The following SHANK2 variants were observed in gnomAD, a reference collection of about 807,000 sequenced individuals.
SHANK2 encodes the protein SH3 and multiple ankyrin repeat domains protein 2.
Under a neutral mutation model 133.7 loss-of-function variants are expected in SHANK2, and 43 were observed. That is an observed-to-expected ratio of 0.32 (90% CI 0.25 to 0.41). The LOEUF (loss-of-function observed/expected upper bound fraction) is 0.41, where lower values mean the gene tolerates loss of function less well. Among genes scored for constraint, SHANK2 ranks in the 10% least tolerant of loss-of-function variants. The pLI, the probability that SHANK2 is intolerant of heterozygous loss-of-function variation, is 1.00. For synonymous variants in SHANK2, 1,017 were observed against 952.8 expected, an observed-to-expected ratio of 1.07 and a Z score of -1.24; for missense variants, 1,994 against 2,235.8, an observed-to-expected ratio of 0.89 and a Z score of 2.18.
intron 10 of SHANK2, chr11:70,952,782 C>CTCGCCAT (rs1219136515): frequency 2.2e-6 from 1 of 456,882 alleles, no homozygotes; most frequent in Non-Finnish European, 4.6e-6. Flanking sequence ...AGTGTGGGAA[C>CTCGCCAT]TGACACCCAC....
At chr11:71,224,307 A>G (rs1382030056) in intron 2 of SHANK2, among the ~76,000 whole-genome samples, 1 of 151,794 alleles carries the variant, frequency 6.6e-6, no homozygotes, top group Non-Finnish European at 1.5e-5. Flanking sequence ...CCTGGGCTTC[A>G]CTGCACCCTT....
chr11:70,575,541 G>A (rs1294811252), intron 17 of SHANK2, among the ~76,000 whole-genome samples: 1 of 146,296 alleles, frequency 6.8e-6, no homozygotes, highest in Non-Finnish European at 1.5e-5. Context: ...AAGTACAAAG[G>A]CCAACAGAGT....
At position 70,659,889 on chromosome 11, in the gene SHANK2, G is replaced by A; in HGVS notation, c.2000C>T (p.Ser667Phe). 1 of 1,614,148 alleles carries A rather than the reference G, an allele frequency of 6.2e-7. No individual in the cohort carries two copies. The highest frequency in any genetic ancestry group is 8.5e-7 in the Non-Finnish European group (1 of 1,180,030). ...CCACGCCACCCCACCTTCATCCACG[G>A]ACTCCAGGTACTGTAGGGCTGGGAA... ...PAFPALQYLE[S>F]VDEGGVAWQA... Residue 667 changes from serine to phenylalanine, a missense_variant, in exon 17 of 26, where the codon TCC (serine) becomes TTC (phenylalanine). Transcript: ENST00000601538.
rs115110225 is a variant in SHANK2 at position 71,104,898 on chromosome 11, G to A, written c.592+5043C>T. ...ACCTGTGGGTCTGCACTTGGCCTTCGGTTTCAGAACTTTCTGCCTTAGTTA... is the reference window on the plus strand; with the variant it reads ...ACCTGTGGGTCTGCACTTGGCCTTCAGTTTCAGAACTTTCTGCCTTAGTTA... On this transcript the variant is annotated intron_variant, in intron 6 of 25. Transcript: ENST00000601538. Among the ~76,000 whole-genome samples the A allele has an allele frequency of 5.4e-3, 826 of 152,290 alleles. 5 individuals carry two copies. The highest frequency in any genetic ancestry group is 0.018 in the African/African-American group (764 of 41,556).
chr11:70,758,331 T>G (rs1237236685), intron 14 of SHANK2, among the ~76,000 whole-genome samples: 14 of 152,072 alleles, frequency 9.2e-5, no homozygotes, highest in Non-Finnish European at 1.6e-4. Context: ...GAGGTGAGCT[T>G]TCGCTCGCCA....
chr11:70,876,168 A>ATATATACATATATACACACACG (rs1949558194), intron 11 of SHANK2, among the ~76,000 whole-genome samples: 10 of 151,830 alleles, frequency 6.6e-5, no homozygotes, highest in Admixed American at 6.6e-4. Context: ...AAAAAAAATT[A>ATATATACATATATACACACACG]TATATACATA....
chr11:70,951,961 G>T (rs1310117482), intron 10 of SHANK2, among the ~76,000 whole-genome samples: 1 of 152,170 alleles, frequency 6.6e-6, no homozygotes. Context: ...CCAGCATGAG[G>T]TCGTCTTAAC....
chr11:70,608,289 T>C (rs1554993133), intron 17 of SHANK2, among the ~76,000 whole-genome samples: 1 of 152,142 alleles, frequency 6.6e-6, no homozygotes, highest in Non-Finnish European at 1.5e-5. Context: ...GATATTTCTT[T>C]CCTCTTTGTG....
intron 17 of SHANK2, among the ~76,000 whole-genome samples, chr11:70,588,226 A>T (rs1591616658): frequency 6.6e-6 from 1 of 152,348 alleles, no homozygotes; most frequent in Admixed American, 6.5e-5. Context: ...AAGGGAATAA[A>T]AAAAGAAATA....
chr11:70,558,733 T>C (rs1017879910), intron 17 of SHANK2, among the ~76,000 whole-genome samples: 2 of 152,132 alleles, frequency 1.3e-5, no homozygotes, highest in South Asian at 2.1e-4. Flanking sequence ...GAGACAGGAC[T>C]GTGCACACCT....
At chr11:71,208,156 G>T (rs1430495309) in intron 2 of SHANK2, among the ~76,000 whole-genome samples, 1 of 152,150 alleles carries the variant, frequency 6.6e-6, no homozygotes, top group Admixed American at 6.5e-5. Flanking sequence ...GCCATGCAGT[G>T]GTGTTCCCAG....
intron 11 of SHANK2, among the ~76,000 whole-genome samples, chr11:70,831,617 C>A (rs1475212381): frequency 6.6e-6 from 1 of 152,210 alleles, no homozygotes; most frequent in Non-Finnish European, 1.5e-5. Context: ...TGTCTTTTGA[C>A]AACTGCCTGA....
intron 8 of SHANK2, among the ~76,000 whole-genome samples, chr11:71,090,164 A>G (rs2135095046): frequency 3.1e-5 from 3 of 98,014 alleles, no homozygotes; most frequent in Admixed American, 1.1e-4. Context: ...TCTCCAGAGA[A>G]ACACAACCTG....
chr11:70,860,050 G>A (rs544254140), intron 11 of SHANK2, among the ~76,000 whole-genome samples: 76 of 152,218 alleles, frequency 5.0e-4, no homozygotes, highest in African/African-American at 1.4e-3. Flanking sequence ...CCCTCCCTGC[G>A]GAGCAAACAT....
rs113014839 is a variant in SHANK2, at chr11:70,476,206, C to T, written c.4980-2767G>A. Among the ~76,000 whole-genome samples, 19 of 152,170 alleles carry T rather than the reference C, an allele frequency of 1.2e-4. 1 individual carries two copies. Among genetic ancestry groups the T allele is most frequent in the South Asian group, 6.2e-4 (3 of 4,810 alleles). On this transcript the variant is annotated intron_variant, in intron 25 of 25. Coordinates refer to ENST00000601538, the MANE Select transcript of SHANK2 (RefSeq NM_012309.5). ...TCGTGCCACTGCACTCCAGCCTGGG[C>T]GACTGAGCTAGACTTCTTCTCAAAA...
chr11:70,498,755 A>G lies in SHANK2; in HGVS notation c.2308+1815T>C, dbSNP rs531073777. On this transcript the variant is annotated intron_variant, in intron 21 of 25. Coordinates refer to ENST00000601538, the MANE Select transcript of SHANK2 (RefSeq NM_012309.5). ...ATGCACGGGGGGCTTAAAACAATGG[A>G]AACGTATCCCTGCACAGTTCTGGAG... is the stretch of plus-strand genomic sequence containing the variant. Among the ~76,000 whole-genome samples, 174 of 152,222 alleles carry G rather than the reference A, an allele frequency of 1.1e-3. 1 individual carries two copies. Among genetic ancestry groups the G allele is most frequent in the Admixed American group, 5.2e-4 (8 of 15,294 alleles).
intron 14 of SHANK2, among the ~76,000 whole-genome samples, chr11:70,702,459 A>G (rs1426948879): frequency 2.0e-5 from 3 of 151,830 alleles, no homozygotes; most frequent in Non-Finnish European, 4.4e-5. Context: ...CACCATCATC[A>G]CTATCATCAC....
At chr11:71,073,498 GCT>G (rs1951177201) in intron 9 of SHANK2, among the ~76,000 whole-genome samples, 1 of 151,784 alleles carries the variant, frequency 6.6e-6, no homozygotes, top group South Asian at 2.1e-4. Context: ...ACAGGGTTTT[GCT>G]CTGTTACCTA....
intron 2 of SHANK2, among the ~76,000 whole-genome samples, chr11:71,180,657 G>A (rs555447515): frequency 5.9e-5 from 9 of 152,306 alleles, no homozygotes; most frequent in Admixed American, 5.2e-4. Flanking sequence ...GGCGGGAATG[G>A]CATGTTTGAA....
Sources: allele counts gnomAD v4.1 joint callset (sites outside exome capture counted in the v4.1 genomes callset), GRCh38; gene constraint gnomAD v4.1.1; transcripts MANE v1.5; gene names NCBI Gene and HGNC (gene_info 2026-07-23, HGNC 2026-07-21).